The following NR5A2 variants were observed in gnomAD, a reference collection of about 807,000 sequenced individuals.
The protein encoded by NR5A2 is nuclear receptor subfamily 5 group A member 2.
NR5A2 carries 26 observed loss-of-function variants against 62.7 expected under a neutral mutation model. That is an observed-to-expected ratio of 0.41 (90% CI 0.30 to 0.58). NR5A2 has a LOEUF of 0.58. Among genes scored for constraint, NR5A2 ranks in the 20% least tolerant of loss-of-function variants. The probability of loss-of-function intolerance (pLI) is 0.22; values close to 1 mark genes in which losing one functional copy is unlikely to be tolerated. For missense variants in NR5A2, 541 were observed against 669.1 expected, an observed-to-expected ratio of 0.81 and a Z score of 2.11; for synonymous variants, 246 against 241.7, an observed-to-expected ratio of 1.02 and a Z score of -0.16.
Position 200,073,268 on chromosome 1 carries a change from TTATATATATA to T in NR5A2, c.1110+24464_1110+24473del, listed in dbSNP as rs371537456. 3.9e-3 allele frequency among the ~76,000 whole-genome samples: 438 copies of T among 111,206 alleles called. 29 individuals carry two copies. The highest frequency in any genetic ancestry group is 0.014 in the African/African-American group (401 of 28,050). 73.0% of individuals were successfully genotyped at this position (111,206 alleles called of 152,430 possible). On this transcript the variant is annotated intron_variant, in intron 5 of 7. Coordinates refer to ENST00000367362, the MANE Select transcript of NR5A2 (RefSeq NM_205860.3). ...TATATATATATATATATATTCCCCT[TTATATATATA>T]TATATATATATATTCCCCTTTATAT...
chr1:200,105,867 G>C (rs1490826457), intron 5 of NR5A2, among the ~76,000 whole-genome samples: 1 of 152,092 alleles, frequency 6.6e-6, no homozygotes, highest in Non-Finnish European at 1.5e-5. Context: ...TGGGAGAATT[G>C]CTTGAGCCCA....
intron 5 of NR5A2, among the ~76,000 whole-genome samples, chr1:200,061,120 C>CA (rs34729240): frequency 0.019 from 1,456 of 75,064 alleles, 14 homozygotes; most frequent in East Asian, 0.034. Context: ...AACTCCGTCT[C>CA]AAAAAAAAAA....
At chr1:200,110,441 A>G (rs1665889144) in intron 5 of NR5A2, among the ~76,000 whole-genome samples, 1 of 152,234 alleles carries the variant, frequency 6.6e-6, no homozygotes, top group South Asian at 2.1e-4. Flanking sequence ...GGAAGGTGGA[A>G]CGTGCATAAG....
intron 7 of NR5A2, among the ~76,000 whole-genome samples, chr1:200,126,717 G>A (rs1445747328): frequency 1.3e-5 from 2 of 149,036 alleles, no homozygotes; most frequent in Non-Finnish European, 3.0e-5. Flanking sequence ...TAGTACAGAC[G>A]AGGTCTCACT....
chr1:200,133,643 A>G (rs1040232790), intron 7 of NR5A2, among the ~76,000 whole-genome samples: 1 of 150,258 alleles, frequency 6.7e-6, no homozygotes, highest in Admixed American at 6.7e-5. Context: ...ATGTACATAT[A>G]TACATTATAT....
intron 5 of NR5A2, among the ~76,000 whole-genome samples, chr1:200,052,217 A>G (rs932578126): frequency 6.6e-6 from 1 of 152,192 alleles, no homozygotes; most frequent in Non-Finnish European, 1.5e-5. Flanking sequence ...CTCCGGAAAA[A>G]GGTCTCTTCC....
At chr1:200,122,030 TAA>T (rs1299438753) in intron 7 of NR5A2, among the ~76,000 whole-genome samples, 1 of 152,096 alleles carries the variant, frequency 6.6e-6, no homozygotes, top group Non-Finnish European at 1.5e-5. Context: ...ACATTTAAAA[TAA>T]AAAGAGCATT....
At chr1:200,067,614 C>T (rs754155840) in intron 5 of NR5A2, among the ~76,000 whole-genome samples, 16 of 151,330 alleles carry the variant, frequency 1.1e-4, no homozygotes, top group Non-Finnish European at 1.9e-4. Context: ...ACAACAGACA[C>T]GAGTCTGCTT....
intron 5 of NR5A2, among the ~76,000 whole-genome samples, chr1:200,093,015 C>T (rs1664893529): frequency 6.6e-6 from 1 of 151,430 alleles, no homozygotes; most frequent in East Asian, 2.0e-4. Flanking sequence ...TCCTGAGTAG[C>T]TGGGATTACA....
intron 7 of NR5A2, among the ~76,000 whole-genome samples, chr1:200,135,176 C>A (rs1275043400): frequency 6.6e-6 from 1 of 152,208 alleles, no homozygotes; most frequent in African/African-American, 2.4e-5. Context: ...GATTCCAGAT[C>A]TGCTGTCGTC....
chr1:200,127,420 T>C (rs1342785189), intron 7 of NR5A2, among the ~76,000 whole-genome samples: 3 of 151,926 alleles, frequency 2.0e-5, no homozygotes, highest in Admixed American at 2.0e-4. Context: ...CTCATGCCTG[T>C]AATCCTAGCA....
At chr1:200,057,827 C>T in intron 5 of NR5A2, 1 of 172,962 alleles carries the variant, frequency 5.8e-6, no homozygotes, top group South Asian at 1.1e-4. Context: ...GATGGAGTTA[C>T]ACTCTTGTTG....
intron 5 of NR5A2, among the ~76,000 whole-genome samples, chr1:200,081,772 T>A (rs1664303542): frequency 6.6e-6 from 1 of 152,094 alleles, no homozygotes; most frequent in Non-Finnish European, 1.5e-5. Flanking sequence ...TCTACCTTTT[T>A]TTTTTTTTTA....
chr1:200,143,666 G>A (rs567450869), intron 7 of NR5A2, among the ~76,000 whole-genome samples: 2 of 135,978 alleles, frequency 1.5e-5, no homozygotes, highest in African/African-American at 5.6e-5. Flanking sequence ...TTTTTGAGAT[G>A]GAGTCTCACT....
chr1:200,131,202 T>C (rs972415227), intron 7 of NR5A2, among the ~76,000 whole-genome samples: 1 of 152,192 alleles, frequency 6.6e-6, no homozygotes, highest in Admixed American at 6.5e-5. Context: ...TTGATGCTTG[T>C]CTTAATTAAA....
rs575906238 is a variant in NR5A2 at position 200,058,229 on chromosome 1, G to A, written c.1110+9411G>A. On this transcript the variant is annotated intron_variant, in intron 5 of 7. Transcript: ENST00000367362. ...CTTTCATCAATGGTTCAGTAGTGTT[G>A]TTTTTTAAAGCCTACAACAGAACCA... The A allele has an allele frequency of 2.0e-5, 3 of 152,256 alleles. No individual in the cohort carries two copies. The South Asian group carries it at 6.2e-4, about 32-fold the overall frequency. The allele number at this position is 152,256 out of a possible 1,614,324, so 9.4% of individuals were successfully genotyped here.
At chr1:200,106,727 C>A (rs1029866553) in intron 5 of NR5A2, among the ~76,000 whole-genome samples, 1 of 152,106 alleles carries the variant, frequency 6.6e-6, no homozygotes, top group East Asian at 1.9e-4. Flanking sequence ...TCTCCCCTTC[C>A]TTTTTCTACC....
chr1:200,061,921 T>G (rs12095690), intron 5 of NR5A2, among the ~76,000 whole-genome samples: 6,070 of 152,282 alleles, frequency 0.04, 341 homozygotes, highest in African/African-American at 0.13. Flanking sequence ...TCATTTAAAT[T>G]AAAAACATAT....
intron 7 of NR5A2, among the ~76,000 whole-genome samples, chr1:200,142,094 GC>G (rs937226940): frequency 6.7e-6 from 1 of 150,118 alleles, no homozygotes; most frequent in African/African-American, 2.5e-5. Flanking sequence ...TCACTGTGCT[GC>G]TTTTTGCATA....
Sources: allele counts gnomAD v4.1 joint callset (sites outside exome capture counted in the v4.1 genomes callset), GRCh38; gene constraint gnomAD v4.1.1; transcripts MANE v1.5; gene names NCBI Gene and HGNC (gene_info 2026-07-23, HGNC 2026-07-21).